Variants in RBFOX3 observed in about 807,000 individuals in gnomAD.
RBFOX3 encodes the protein RNA binding protein fox-1 homolog 3.
A neutral mutation model predicts 48.7 loss-of-function variants in RBFOX3; 17 were observed. The ratio of observed to expected loss-of-function variants is 0.35; its 90% CI spans 0.24 to 0.52. RBFOX3 has a LOEUF of 0.52. RBFOX3 is among the 20% of genes least tolerant of loss of function. The pLI is 0.94. For synonymous variants in RBFOX3, 212 were observed against 209.5 expected (o/e 1.01, Z -0.10); for missense variants, 382 against 497.5 (o/e 0.77, Z 2.21).
intron 2 of RBFOX3, among the ~76,000 whole-genome samples, chr17:79,324,349 TG>T (rs1312154599): frequency 2.0e-5 from 3 of 152,146 alleles, no homozygotes; most frequent in Non-Finnish European, 4.4e-5. Context: ...CAAATGAGCG[TG>T]GGATGCAGCT....
chr17:79,463,602 T>C (rs1250713784), intron 2 of RBFOX3, among the ~76,000 whole-genome samples: 71 of 45,536 alleles, frequency 1.6e-3, no homozygotes, highest in Non-Finnish European at 2.0e-3. Context: ...TCCACCACCA[T>C]CGCCACCTCC....
intron 4 of RBFOX3, among the ~76,000 whole-genome samples, chr17:79,158,762 C>T (rs1188273233): frequency 4.6e-5 from 7 of 152,136 alleles, no homozygotes. Context: ...GGACAGGAGC[C>T]CAGCTGCAGG....
chr17:79,611,530 C>T (rs1247823667), upstream of RBFOX3, among the ~76,000 whole-genome samples: 1 of 152,102 alleles, frequency 6.6e-6, no homozygotes, highest in Non-Finnish European at 1.5e-5. Context: ...CTCCCCACCT[C>T]CAAGCTATCT....
intron 1 of RBFOX3, among the ~76,000 whole-genome samples, chr17:79,485,397 G>A (rs1352395319): frequency 6.6e-6 from 1 of 152,158 alleles, no homozygotes; most frequent in Non-Finnish European, 1.5e-5. Context: ...GAATTAGAGG[G>A]AGCAAAGACA....
intron 4 of RBFOX3, among the ~76,000 whole-genome samples, chr17:79,202,581 C>T (rs35630276): frequency 0.29 from 44,252 of 152,240 alleles, 7,017 homozygotes; most frequent in East Asian, 0.45. Flanking sequence ...CCGGGAAGAG[C>T]GAGGCCCAGG....
intron 4 of RBFOX3, among the ~76,000 whole-genome samples, chr17:79,152,248 T>G (rs886695970): frequency 9.2e-5 from 14 of 152,074 alleles, no homozygotes; most frequent in African/African-American, 3.4e-4. Flanking sequence ...CTCTAGCACC[T>G]GGGGCCTGGC....
chr17:79,535,626 G>T lies in RBFOX3; in HGVS notation c.-319-53028C>A, dbSNP rs1322911639. Among the ~76,000 whole-genome samples, 3 of 152,182 alleles carry T rather than the reference G, an allele frequency of 2.0e-5. No individual in the cohort carries two copies. Among genetic ancestry groups the T allele is most frequent in the African/African-American group, 7.2e-5 (3 of 41,440 alleles). ...TGCGGTCCTGGCCAGACCACATTCT[G>T]GGCGGACAAGGCAGGATAGCCAGCC... is the stretch of plus-strand genomic sequence containing the variant. On this transcript the variant is annotated intron_variant, in intron 1 of 14. Transcript: ENST00000693108. This position sits in a 1 kb window ranked among gnomAD's most constrained non-coding sequence, Gnocchi z 4.5.
rs1432437590 is a variant in RBFOX3, at chr17:79,111,041, G to A, written c.223-4253C>T. Among the ~76,000 whole-genome samples, 1 of 152,266 alleles carries A rather than the reference G, an allele frequency of 6.6e-6. No homozygotes were observed. The highest frequency in any genetic ancestry group is 1.5e-5 in the Non-Finnish European group (1 of 68,044). On this transcript the variant is annotated intron_variant, in intron 5 of 14. Coordinates refer to ENST00000693108, the MANE Select transcript of RBFOX3 (RefSeq NM_001350451.2). The surrounding 1 kb of genome is among the most constrained non-coding windows in gnomAD (Gnocchi z 4.2). The stretch of plus-strand genomic sequence containing the variant: ...GAGGGGAGAGGGCCTTGGCCAGACT[G>A]TGAAGCCTGTAGTTATAGATGAGGT...
intron 4 of RBFOX3, among the ~76,000 whole-genome samples, chr17:79,167,747 C>T (rs1045011951): frequency 6.6e-6 from 1 of 152,228 alleles, no homozygotes; most frequent in Non-Finnish European, 1.5e-5. Context: ...GGGGCCTCTT[C>T]AACCCTGGCC....
rs1217361083 is a variant in RBFOX3 at position 79,205,613 on chromosome 17, T to C, written c.-34+30153A>G. Among the ~76,000 whole-genome samples the C allele has an allele frequency of 2.0e-5, 3 of 152,194 alleles. No homozygotes were observed. The highest frequency in any genetic ancestry group is 1.5e-5 in the Non-Finnish European group (1 of 68,042). On this transcript the variant is annotated intron_variant, in intron 4 of 14. Coordinates refer to ENST00000693108, the MANE Select transcript of RBFOX3 (RefSeq NM_001350451.2). This position sits in a 1 kb window ranked among gnomAD's most constrained non-coding sequence, Gnocchi z 4.5. ...AAGCAAGGATGAGGTCCCCATCCTA[T>C]CCTTGTTCAATTCACCTACAAAACA...
At position 79,581,117 on chromosome 17, in the gene RBFOX3, G is replaced by A. The variant is rs1057414452; in HGVS notation, c.-320+29709C>T. The stretch of plus-strand genomic sequence containing the variant: ...AAAAAAATTAGCCGGGCATGGTGGC[G>A]GGCGCCTGTAGTCCCAGCTACTCGG... On this transcript the variant is annotated intron_variant, in intron 1 of 14. Coordinates refer to ENST00000693108, the MANE Select transcript of RBFOX3 (RefSeq NM_001350451.2). 7.9e-5 allele frequency among the ~76,000 whole-genome samples: 12 copies of A among 152,212 alleles called. No homozygotes were observed. In the East Asian group the frequency reaches 1.7e-3, roughly 22 times the overall value.
chr17:79,507,202 G>T (rs2083278565), intron 1 of RBFOX3, among the ~76,000 whole-genome samples: 1 of 152,148 alleles, frequency 6.6e-6, no homozygotes, highest in Non-Finnish European at 1.5e-5. Flanking sequence ...CTTCTTATCA[G>T]ACACCACTGG....
intron 2 of RBFOX3, among the ~76,000 whole-genome samples, chr17:79,335,820 A>G (rs1046508944): frequency 2.0e-5 from 3 of 152,274 alleles, no homozygotes; most frequent in South Asian, 4.2e-4. Flanking sequence ...CCGCACACTC[A>G]GGCAATCTCA....
At chr17:79,295,842 T>C (rs900525003) in intron 3 of RBFOX3, among the ~76,000 whole-genome samples, 1 of 152,044 alleles carries the variant, frequency 6.6e-6, no homozygotes, top group South Asian at 2.1e-4. Context: ...GAGGGCAGCA[T>C]TGGGAGTGGG....
chr17:79,593,358 C>A (rs928226969), intron 1 of RBFOX3, among the ~76,000 whole-genome samples: 25 of 152,162 alleles, frequency 1.6e-4, no homozygotes, highest in African/African-American at 5.6e-4. Context: ...TAAATGAGGT[C>A]TTTGCTGAGA....
the RBFOX3 span, among the ~76,000 whole-genome samples, chr17:79,656,669 GAAA>G: frequency 2.8e-5 from 3 of 108,468 alleles, no homozygotes; most frequent in African/African-American, 1.4e-4. Flanking sequence ...GAGAAGAAAG[GAAA>G]GAAGGAAGGA....
At chr17:79,395,180 C>G (rs757874291) in intron 2 of RBFOX3, among the ~76,000 whole-genome samples, 2 of 152,230 alleles carry the variant, frequency 1.3e-5, no homozygotes, top group Admixed American at 6.5e-5. Flanking sequence ...TTTGTTAGTC[C>G]CTTTGTTTCA....
At chr17:79,493,872 C>T (rs1458561741) in intron 1 of RBFOX3, among the ~76,000 whole-genome samples, 1 of 152,144 alleles carries the variant, frequency 6.6e-6, no homozygotes, top group Non-Finnish European at 1.5e-5. Flanking sequence ...CCCGCCGCGG[C>T]AGTAGGGCTC....
intron 4 of RBFOX3, among the ~76,000 whole-genome samples, chr17:79,178,879 TC>T (rs1421734171): frequency 6.6e-6 from 1 of 152,220 alleles, no homozygotes; most frequent in African/African-American, 2.4e-5. Flanking sequence ...GGACAATTTT[TC>T]GGATGTGGCT....
Sources: gnomAD v4.1 joint callset for allele counts (sites outside exome capture counted in the v4.1 genomes callset) on GRCh38, gnomAD v4.1.1 for gene constraint, Gnocchi (gnomAD v3.1) non-coding constraint, MANE v1.5 for transcripts, NCBI Gene and HGNC (gene_info 2026-07-23, HGNC 2026-07-21) for gene names.